Variants in CDH23 observed in about 807,000 individuals in gnomAD.
CDH23 encodes the protein cadherin-23.
Under a neutral mutation model 317.1 loss-of-function variants are expected in CDH23, and 189 were observed. That is an observed-to-expected ratio of 0.60 (90% CI 0.53 to 0.67). The LOEUF is 0.67. Ranked by LOEUF, CDH23 falls within the 30% of genes least tolerant of loss-of-function variation. The probability of loss-of-function intolerance (pLI) is 0.00; values close to 1 mark genes in which losing one functional copy is unlikely to be tolerated. For missense variants in CDH23, 4,401 were observed against 4,592.4 expected (o/e 0.96, Z 1.20); for synonymous variants, 1,839 against 1,876.8 (o/e 0.98, Z 0.52).
chr10:71,656,669 G>A (rs542832926), intron 14 of CDH23, among the ~76,000 whole-genome samples: 1 of 152,304 alleles, frequency 6.6e-6, no homozygotes, highest in South Asian at 2.1e-4. Flanking sequence ...GCCTCTCCTG[G>A]AAAGTGACAT....
chr10:71,487,948 C>A (rs1852441644), intron 3 of CDH23, among the ~76,000 whole-genome samples: 1 of 152,240 alleles, frequency 6.6e-6, no homozygotes, highest in South Asian at 2.1e-4. Flanking sequence ...GAGGCCCTTG[C>A]ATAATATATC....
intron 29 of CDH23, among the ~76,000 whole-genome samples, chr10:71,724,698 C>T (rs921884229): frequency 6.6e-6 from 1 of 152,204 alleles, no homozygotes; most frequent in African/African-American, 2.4e-5. Context: ...CCAGGGCAGC[C>T]CCCAGCAGCA....
intron 31 of CDH23, among the ~76,000 whole-genome samples, chr10:71,730,963 C>G (rs1303148828): frequency 1.3e-5 from 2 of 152,184 alleles, no homozygotes; most frequent in African/African-American, 4.8e-5. Context: ...TGCGGCCTGG[C>G]CTGCTCCTCC....
chr10:71,585,777 GT>G (rs1346565241), intron 9 of CDH23, among the ~76,000 whole-genome samples: 2 of 152,172 alleles, frequency 1.3e-5, no homozygotes, highest in Non-Finnish European at 2.9e-5. Flanking sequence ...GCTCGCCTTT[GT>G]GATAAACCAG....
intron 14 of CDH23, among the ~76,000 whole-genome samples, chr10:71,669,320 CT>C (rs1442793494): frequency 6.6e-6 from 1 of 152,216 alleles, no homozygotes; most frequent in East Asian, 1.9e-4. Context: ...CAGGATGAAT[CT>C]TTCTAAGCCA....
At chr10:71,755,744 C>T (rs1287938082) in intron 38 of CDH23, among the ~76,000 whole-genome samples, 2 of 152,182 alleles carry the variant, frequency 1.3e-5, no homozygotes, top group Non-Finnish European at 2.9e-5. Context: ...GAACAGAGTC[C>T]TCATCCCAGC....
intron 32 of CDH23, chr10:71,732,644 C>CA (rs917844756): frequency 2.4e-5 from 34 of 1,389,210 alleles, no homozygotes; most frequent in South Asian, 8.7e-5. Context: ...TACAAAGAAA[C>CA]AAAAAAAAGT....
chr10:71,592,334 C>A (rs1245658906), intron 9 of CDH23, among the ~76,000 whole-genome samples: 1 of 150,788 alleles, frequency 6.6e-6, no homozygotes, highest in Non-Finnish European at 1.5e-5. Flanking sequence ...CCTATAGTTG[C>A]CATAATAAAA....
chr10:71,643,470 G>C (rs777512286), intron 11 of CDH23, among the ~76,000 whole-genome samples: 13 of 152,196 alleles, frequency 8.5e-5, no homozygotes, highest in Non-Finnish European at 1.6e-4. Flanking sequence ...CTCCAGGGAT[G>C]TAGGATGTAG....
intron 14 of CDH23, among the ~76,000 whole-genome samples, chr10:71,665,420 ACAAATGCAAGTGCTTTG>A (rs1863845347): frequency 6.6e-6 from 1 of 152,178 alleles, no homozygotes; most frequent in African/African-American, 2.4e-5. Context: ...GTTTGCTTTT[ACAAATGCAAGTGCTTTG>A]CAAATGTAGA....
At chr10:71,773,363 G>A in intron 38 of CDH23, 1 of 1,607,730 alleles carries the variant, frequency 6.2e-7, no homozygotes, top group Middle Eastern at 1.7e-4. Flanking sequence ...CTTACCTAGG[G>A]ACGCAGCCAG....
chr10:71,515,357 TTCTCTCTCTC>T (rs3059687), intron 6 of CDH23, among the ~76,000 whole-genome samples: 62 of 126,270 alleles, frequency 4.9e-4, no homozygotes, highest in South Asian at 1.6e-3. Flanking sequence ...ACCTGTCTGT[TTCTCTCTCTC>T]TCTCTCTCTC....
Position 71,706,880 on chromosome 10 carries a change from C to G in CDH23, c.2954-17C>G. 6.3e-7 allele frequency: 1 copy of G among 1,581,348 alleles called. No homozygotes were observed. Among genetic ancestry groups the G allele is most frequent in the Non-Finnish European group, 8.6e-7 (1 of 1,163,374 alleles). On this transcript the variant is annotated splice_polypyrimidine_tract_variant and intron_variant, in intron 25 of 69. Coordinates refer to ENST00000224721, the MANE Select transcript of CDH23 (RefSeq NM_022124.6). ...GCAGAAGCCAGGCCTAGCCCCGGCG[C>G]CCGTTCTGCCCCGCAGTGCTGGATG...
At chr10:71,758,502 C>T (rs1324851634) in intron 38 of CDH23, among the ~76,000 whole-genome samples, 1 of 152,216 alleles carries the variant, frequency 6.6e-6, no homozygotes, top group East Asian at 1.9e-4. Context: ...AGGGCAGTGC[C>T]CTCTTACCCT....
At chr10:71,664,023 G>A (rs1003174688) in intron 14 of CDH23, among the ~76,000 whole-genome samples, 18 of 148,488 alleles carry the variant, frequency 1.2e-4, no homozygotes, top group Non-Finnish European at 1.8e-4. Context: ...AAAGGATTAC[G>A]GACTGGTTGC....
chr10:71,530,759 T>A (rs1008068649), intron 6 of CDH23, among the ~76,000 whole-genome samples: 7 of 152,236 alleles, frequency 4.6e-5, no homozygotes, highest in African/African-American at 1.2e-4. Context: ...CACAGCATCA[T>A]GTGCAGTTAA....
chr10:71,562,535 G>T (rs1589211180), intron 6 of CDH23, among the ~76,000 whole-genome samples: 1 of 152,322 alleles, frequency 6.6e-6, no homozygotes, highest in African/African-American at 2.4e-5. Context: ...ATCAGCAGAG[G>T]GTCTGGGTGA....
chr10:71,423,849 T>G (rs1848926330), intron 1 of CDH23, among the ~76,000 whole-genome samples: 1 of 152,196 alleles, frequency 6.6e-6, no homozygotes, highest in African/African-American at 2.4e-5. Flanking sequence ...CGGGTGGTGC[T>G]CTCTGCTCTG....
In CDH23 at chr10:71,806,181, C is replaced by T. The variant is rs975295198; in HGVS notation, c.8078C>T (p.Ala2693Val). The change falls in exon 57 of 70, where the codon GCC becomes GTC. Residue 2693 changes from alanine (A) to valine (V), a missense_variant. Transcript: ENST00000224721. ...TTCCGCTCCTAGCTCATCTTGGTGG[C>T]CAGCGACCTGGGCCAGCCAGTGCCA... ...SQAVYSLILV[A>V]SDLGQPVPYE... The T allele has an allele frequency of 6.4e-7, 1 of 1,564,294 alleles. No homozygotes were observed. Among genetic ancestry groups the T allele is most frequent in the Non-Finnish European group, 8.7e-7 (1 of 1,155,122 alleles).
Sources: gnomAD v4.1 joint callset for allele counts (sites outside exome capture counted in the v4.1 genomes callset) on GRCh38, gnomAD v4.1.1 for gene constraint, MANE v1.5 for transcripts, NCBI Gene and HGNC (gene_info 2026-07-23, HGNC 2026-07-21) for gene names.